Variants in CSMD1 observed in about 807,000 individuals in gnomAD.
The protein encoded by CSMD1 is CUB and sushi domain-containing protein 1.
Under a neutral mutation model 417.5 loss-of-function variants are expected in CSMD1, and 213 were observed. That is an observed-to-expected ratio of 0.51 (90% CI 0.46 to 0.57). CSMD1 has a LOEUF of 0.57. Ranked by LOEUF, CSMD1 falls within the 20% of genes least tolerant of loss-of-function variation. The pLI, the probability that CSMD1 is intolerant of heterozygous loss-of-function variation, is 0.00. For synonymous variants in CSMD1, 2,862 were observed against 1,736.8 expected, an observed-to-expected ratio of 1.65 and a Z score of -16.11; for missense variants, 6,923 against 4,529.7, an observed-to-expected ratio of 1.53 and a Z score of -15.17.
chr8:4,924,694 C>G (rs1806732765), intron 1 of CSMD1, among the ~76,000 whole-genome samples: 1 of 126,838 alleles, frequency 7.9e-6, no homozygotes, highest in African/African-American at 3.1e-5. Flanking sequence ...TGCACTCTAG[C>G]CTGGGAGACA....
chr8:4,246,613 C>A (rs535207156), intron 3 of CSMD1, among the ~76,000 whole-genome samples: 3 of 152,244 alleles, frequency 2.0e-5, no homozygotes, highest in Admixed American at 6.5e-5. Flanking sequence ...ATGGGTCTAG[C>A]TTTGTTCAGC....
intron 26 of CSMD1, among the ~76,000 whole-genome samples, chr8:3,270,449 G>A (rs1267116550): frequency 6.6e-6 from 1 of 152,104 alleles, no homozygotes; most frequent in Non-Finnish European, 1.5e-5. Context: ...AATTTACCAG[G>A]TGATAGATTA....
chr8:4,330,305 A>G (rs901344074), intron 3 of CSMD1, among the ~76,000 whole-genome samples: 9 of 151,566 alleles, frequency 5.9e-5, no homozygotes, highest in African/African-American at 2.2e-4. Flanking sequence ...TGTCAATTTA[A>G]TATTTTGGGC....
At chr8:3,833,132 C>T (rs569326172) in intron 5 of CSMD1, among the ~76,000 whole-genome samples, 19 of 152,222 alleles carry the variant, frequency 1.2e-4, no homozygotes, top group East Asian at 5.8e-4. Flanking sequence ...GCATGTCAAA[C>T]GATCAACTTC....
At chr8:3,923,057 C>G (rs950587249) in intron 5 of CSMD1, among the ~76,000 whole-genome samples, 2 of 152,046 alleles carry the variant, frequency 1.3e-5, no homozygotes, top group Non-Finnish European at 2.9e-5. Context: ...ACAAGTTGAC[C>G]CTTTTGTGTT....
chr8:3,173,176 A>G (rs1432589303), intron 37 of CSMD1, among the ~76,000 whole-genome samples: 5 of 152,222 alleles, frequency 3.3e-5, no homozygotes. Context: ...AGTAATTGTT[A>G]AAACGCCAAA....
At chr8:4,824,563 A>G (rs1424812541) in intron 1 of CSMD1, among the ~76,000 whole-genome samples, 1 of 152,174 alleles carries the variant, frequency 6.6e-6, no homozygotes, top group Non-Finnish European at 1.5e-5. Context: ...CACCACGGAA[A>G]CAGTCTCAAA....
At chr8:4,099,092 T>TG (rs1801169939) in intron 3 of CSMD1, among the ~76,000 whole-genome samples, 1 of 152,100 alleles carries the variant, frequency 6.6e-6, no homozygotes, top group Non-Finnish European at 1.5e-5. Flanking sequence ...TATTTTCATC[T>TG]GTTTTTTTCT....
intron 2 of CSMD1, among the ~76,000 whole-genome samples, chr8:4,439,853 A>G (rs1031378935): frequency 6.6e-6 from 1 of 152,190 alleles, no homozygotes; most frequent in Non-Finnish European, 1.5e-5. Context: ...GCAGCTTCGA[A>G]AGATAGGATG....
rs1333966160 is a variant in CSMD1 at position 4,298,198 on chromosome 8, G to T, written c.415+121755C>A. Among the ~76,000 whole-genome samples the T allele has an allele frequency of 2.6e-5, 4 of 152,140 alleles. 1 individual carries two copies. The highest frequency in any genetic ancestry group is 5.9e-5 in the Non-Finnish European group (4 of 68,014). ...TTTGAGGAATCTGCCTTAGTTAAAT[G>T]AAGTTTCCAAAATAATGCCAATCTT... On this transcript the variant is annotated intron_variant, in intron 3 of 69. Coordinates refer to ENST00000635120, the MANE Select transcript of CSMD1 (RefSeq NM_033225.6).
Position 3,887,215 on chromosome 8 carries a change from G to C in CSMD1, c.818+110688C>G, listed in dbSNP as rs140662053. Among the ~76,000 whole-genome samples the C allele has an allele frequency of 4.2e-3, 645 of 152,238 alleles. 2 individuals are homozygous for C. The highest frequency in any genetic ancestry group is 0.02 in the Middle Eastern group (6 of 294). On this transcript the variant is annotated intron_variant, in intron 5 of 69. Transcript: ENST00000635120. ...GCCCAGAGGCAATCAGCGTCAACAAGGAACATCTTAGCCATGAGAAGGACA... is the reference window on the plus strand; with the variant it reads ...GCCCAGAGGCAATCAGCGTCAACAACGAACATCTTAGCCATGAGAAGGACA...
At chr8:3,834,342 T>A (rs1244905557) in intron 5 of CSMD1, among the ~76,000 whole-genome samples, 1 of 152,122 alleles carries the variant, frequency 6.6e-6, no homozygotes, top group East Asian at 1.9e-4. Flanking sequence ...TGCTTATAGG[T>A]AAGGTGGGGA....
intron 2 of CSMD1, among the ~76,000 whole-genome samples, chr8:4,438,053 G>A (rs1351658999): frequency 6.6e-6 from 1 of 152,162 alleles, no homozygotes; most frequent in Non-Finnish European, 1.5e-5. Context: ...TAGCTATGAA[G>A]GAACAGCCAA....
chr8:3,384,131 G>C (rs1424513501), intron 18 of CSMD1, among the ~76,000 whole-genome samples: 1 of 152,122 alleles, frequency 6.6e-6, no homozygotes, highest in Non-Finnish European at 1.5e-5. Flanking sequence ...AGCTGACAGG[G>C]ACATGTTTAC....
chr8:4,646,042 T>G (rs2130881027), intron 1 of CSMD1, among the ~76,000 whole-genome samples: 1 of 152,264 alleles, frequency 6.6e-6, no homozygotes, highest in African/African-American at 2.4e-5. Context: ...GTTTTGGAAA[T>G]AAACGATTTT....
chr8:3,783,783 A>G (rs1799305788), intron 5 of CSMD1, among the ~76,000 whole-genome samples: 1 of 152,208 alleles, frequency 6.6e-6, no homozygotes, highest in Non-Finnish European at 1.5e-5. Context: ...AAAGTCGCAT[A>G]GGAGACACTG....
chr8:3,805,639 G>T (rs1484489062), intron 5 of CSMD1, among the ~76,000 whole-genome samples: 2 of 152,090 alleles, frequency 1.3e-5, no homozygotes, highest in Non-Finnish European at 2.9e-5. Flanking sequence ...ACCTTGGTGG[G>T]GAGTAAAATG....
At chr8:4,741,415 C>T (rs964496346) in intron 1 of CSMD1, among the ~76,000 whole-genome samples, 4 of 152,034 alleles carry the variant, frequency 2.6e-5, no homozygotes, top group African/African-American at 9.7e-5. Context: ...TACTAAATGA[C>T]CAGGAAATAA....
Position 4,950,720 on chromosome 8 carries a change from T to G in CSMD1, c.85+43612A>C, listed in dbSNP as rs1252390989. Reference sequence around the variant, plus strand: ...ATTGGCAATAAAAAGAGTTGGTCATTGAATACCACGCACTTTCAAACAATA... The same window carrying G: ...ATTGGCAATAAAAAGAGTTGGTCATGGAATACCACGCACTTTCAAACAATA... On this transcript the variant is annotated intron_variant, in intron 1 of 69. Transcript: ENST00000635120. Among the ~76,000 whole-genome samples, 7 of 152,282 alleles carry G rather than the reference T, an allele frequency of 4.6e-5. No homozygotes were observed. The East Asian group carries it at 9.7e-4, about 21-fold the overall frequency.
Sources: gnomAD v4.1 joint callset for allele counts (sites outside exome capture counted in the v4.1 genomes callset) on GRCh38, gnomAD v4.1.1 for gene constraint, MANE v1.5 for transcripts, NCBI Gene and HGNC (gene_info 2026-07-23, HGNC 2026-07-21) for gene names.